Variants in DPP10 observed in about 807,000 individuals in gnomAD.
DPP10 encodes dipeptidyl peptidase like 10.
Under a neutral mutation model 120.9 loss-of-function variants are expected in DPP10, and 33 were observed. The ratio of observed to expected loss-of-function variants is 0.27; its 90% CI spans 0.21 to 0.37. The LOEUF (loss-of-function observed/expected upper bound fraction) is 0.37, where lower values mean the gene tolerates loss of function less well. Among genes scored for constraint, DPP10 ranks in the 10% least tolerant of loss-of-function variants. The pLI is 1.00. For missense variants in DPP10, 816 were observed against 942.8 expected, an observed-to-expected ratio of 0.87 and a Z score of 1.76; for synonymous variants, 337 against 326.1, an observed-to-expected ratio of 1.03 and a Z score of -0.36.
At chr2:115,104,220 G>GC (rs1241856155) in intron 1 of DPP10, among the ~76,000 whole-genome samples, 6 of 96,912 alleles carry the variant, frequency 6.2e-5, no homozygotes, top group African/African-American at 2.5e-4. Flanking sequence ...TTGCTCTGTT[G>GC]CCCAGGCTGG....
At chr2:115,098,225 A>C (rs1215985307) in intron 1 of DPP10, among the ~76,000 whole-genome samples, 1 of 152,076 alleles carries the variant, frequency 6.6e-6, no homozygotes, top group Non-Finnish European at 1.5e-5. Flanking sequence ...AGCCAAAAAC[A>C]CTCCCAGAAG....
intron 1 of DPP10, among the ~76,000 whole-genome samples, chr2:115,052,987 G>T (rs560639918): frequency 2.2e-4 from 33 of 151,698 alleles, no homozygotes; most frequent in African/African-American, 8.0e-4. Flanking sequence ...TTAAGTGTTG[G>T]TGGGCACGTG....
At chr2:114,794,871 A>G (rs1683565335) in intron 1 of DPP10, among the ~76,000 whole-genome samples, 1 of 152,214 alleles carries the variant, frequency 6.6e-6, no homozygotes. Flanking sequence ...TAACCTCAGA[A>G]TGATGAAATG....
At chr2:114,836,151 G>A (rs979835818) in intron 1 of DPP10, among the ~76,000 whole-genome samples, 5 of 152,134 alleles carry the variant, frequency 3.3e-5, no homozygotes, top group African/African-American at 4.8e-5. Context: ...TCTCAATAAA[G>A]ATTTTCCTGA....
At chr2:115,058,875 G>A (rs901070248) in intron 1 of DPP10, among the ~76,000 whole-genome samples, 12 of 151,738 alleles carry the variant, frequency 7.9e-5, no homozygotes, top group Non-Finnish European at 1.6e-4. Flanking sequence ...CCCAAATCCC[G>A]ACACATCTTC....
At chr2:115,300,707 C>G (rs771397420) in intron 1 of DPP10, among the ~76,000 whole-genome samples, 2 of 151,932 alleles carry the variant, frequency 1.3e-5, no homozygotes, top group Non-Finnish European at 2.9e-5. Flanking sequence ...TTTAAATACT[C>G]TCAGTTTTCT....
intron 1 of DPP10, among the ~76,000 whole-genome samples, chr2:115,022,028 G>T (rs1384194012): frequency 6.6e-6 from 1 of 152,004 alleles, no homozygotes; most frequent in Non-Finnish European, 1.5e-5. Context: ...GGTAATAAAA[G>T]CCATCTATGA....
intron 1 of DPP10, among the ~76,000 whole-genome samples, chr2:114,554,712 GC>G (rs767666124): frequency 2.0e-4 from 30 of 152,296 alleles, no homozygotes; most frequent in Admixed American, 5.9e-4. Context: ...CTCCCTTATT[GC>G]CCATTCCGGG....
chr2:115,814,283 G>A (rs1686983023), intron 19 of DPP10, among the ~76,000 whole-genome samples: 1 of 151,922 alleles, frequency 6.6e-6, no homozygotes, highest in Non-Finnish European at 1.5e-5. Flanking sequence ...AAACAATTCA[G>A]GAAATACTAA....
chr2:115,749,769 A>G lies in DPP10; in HGVS notation c.951-3405A>G, dbSNP rs974236322. Among the ~76,000 whole-genome samples, 7 of 152,318 alleles carry G rather than the reference A, an allele frequency of 4.6e-5. No individual in the cohort carries two copies. In the South Asian group the frequency reaches 1.0e-3, roughly 23 times the overall value. ...AGAAGAAAATGAGCTCAAAGTAACT[A>G]CACCGCACAAATATTTTGGTGTAAA... On this transcript the variant is annotated intron_variant, in intron 10 of 25. Coordinates refer to ENST00000410059, the MANE Select transcript of DPP10 (RefSeq NM_020868.6).
intron 1 of DPP10, among the ~76,000 whole-genome samples, chr2:115,035,503 G>C (rs1949055): frequency 0.97 from 147,340 of 152,324 alleles, 71,456 homozygotes; most frequent in Middle Eastern, 1. Flanking sequence ...TTTTCAGAAC[G>C]ATTCTTATAT....
At chr2:115,467,952 A>G in intron 3 of DPP10, 3 of 230,414 alleles carry the variant, frequency 1.3e-5, no homozygotes, top group Non-Finnish European at 2.6e-5. Context: ...AATCATGAAG[A>G]TTATCCTAAG....
chr2:115,495,364 T>TTAAAAAAA (rs1246109967), intron 3 of DPP10, among the ~76,000 whole-genome samples: 1 of 3,524 alleles, frequency 2.8e-4, no homozygotes, highest in African/African-American at 6.7e-4. Flanking sequence ...AGCCATTTTC[T>TTAAAAAAA]GAAAAAAAAA....
At chr2:114,727,455 T>C (rs1455657066) in intron 1 of DPP10, among the ~76,000 whole-genome samples, 2 of 152,190 alleles carry the variant, frequency 1.3e-5, no homozygotes, top group African/African-American at 4.8e-5. Context: ...TCATGTATGA[T>C]CCAGCAGGTT....
At chr2:115,799,033 T>C (rs1575809853) in intron 19 of DPP10, among the ~76,000 whole-genome samples, 1 of 152,212 alleles carries the variant, frequency 6.6e-6, no homozygotes, top group South Asian at 2.1e-4. Context: ...AGTTGCTAGA[T>C]CAGCCACAAC....
At chr2:115,381,691 C>A (rs1287457427) in intron 3 of DPP10, among the ~76,000 whole-genome samples, 3 of 152,114 alleles carry the variant, frequency 2.0e-5, no homozygotes, top group Admixed American at 6.5e-5. Flanking sequence ...GTTTTATCTA[C>A]TTTTGGTCTT....
At chr2:115,265,543 A>G (rs1267212742) in intron 1 of DPP10, among the ~76,000 whole-genome samples, 1 of 152,130 alleles carries the variant, frequency 6.6e-6, no homozygotes, top group Admixed American at 6.5e-5. Flanking sequence ...AATTTCACAA[A>G]TAATAATAAC....
chr2:115,093,449 G>A (rs1415110488), intron 1 of DPP10, among the ~76,000 whole-genome samples: 1 of 151,972 alleles, frequency 6.6e-6, no homozygotes, highest in Non-Finnish European at 1.5e-5. Flanking sequence ...TAAAATTTAA[G>A]AAGAAATTTT....
chr2:115,573,498 G>A (rs1438342746), intron 5 of DPP10, among the ~76,000 whole-genome samples: 1 of 151,218 alleles, frequency 6.6e-6, no homozygotes. Context: ...TAGCCAGGTT[G>A]GTCTCGATCT....
Sources: allele counts gnomAD v4.1 joint callset (sites outside exome capture counted in the v4.1 genomes callset), GRCh38; gene constraint gnomAD v4.1.1; transcripts MANE v1.5; gene names NCBI Gene and HGNC (gene_info 2026-07-23, HGNC 2026-07-21).